Variants in PPIP5K2 observed in about 807,000 individuals in gnomAD.
PPIP5K2 encodes the protein diphosphoinositol pentakisphosphate kinase 2, also known as inositol hexakisphosphate and diphosphoinositol-pentakisphosphate kinase 2.
PPIP5K2 carries 105 observed loss-of-function variants against 154.6 expected under a neutral mutation model. The observed-to-expected ratio is 0.68, with a 90% CI of 0.58 to 0.80. The LOEUF (loss-of-function observed/expected upper bound fraction) is 0.80. Ranked by LOEUF, PPIP5K2 falls within the 30% of genes least tolerant of loss-of-function variation. The pLI, the probability that PPIP5K2 is intolerant of heterozygous loss-of-function variation, is 0.00. For missense variants in PPIP5K2, 992 were observed against 1,504.6 expected, an observed-to-expected ratio of 0.66 and a Z score of 5.64; for synonymous variants, 480 against 490.3, an observed-to-expected ratio of 0.98 and a Z score of 0.28.
rs749941902 is a variant in PPIP5K2 at position 103,120,350 on chromosome 5, A to G, written c.-423A>G. 40 of 453,674 alleles carry G rather than the reference A, an allele frequency of 8.8e-5. No homozygotes were observed. The highest frequency in any genetic ancestry group is 9.8e-5 in the Non-Finnish European group (22 of 224,952). 28.1% of individuals were successfully genotyped at this position (453,674 alleles called of 1,614,324 possible). A position where few individuals can be genotyped will look rare whatever the true frequency, so the allele number is the denominator to read the frequency against. On this transcript the variant is annotated 5_prime_UTR_variant, in exon 1 of 31. Transcript: ENST00000358359. ...TGGCCCTATAGCTGTTACTGAAGGA[A>G]GTAGCCTACGTCCACGCCTACAACT...
In PPIP5K2 at chr5:103,154,650, T is replaced by A. The variant is rs782134276; in HGVS notation, c.1218-20T>A. The A allele has an allele frequency of 7.3e-7, 1 of 1,369,842 alleles. No individual in the cohort carries two copies. The highest frequency in any genetic ancestry group is 1.0e-6 in the Non-Finnish European group (1 of 984,092). The allele number at this position is 1,369,842 out of a possible 1,614,324, so 84.9% of individuals were successfully genotyped here. A position where few individuals can be genotyped will look rare whatever the true frequency, so the allele number is the denominator to read the frequency against. Reference sequence around the variant, plus strand: ...GTTAATTATTGCAAGTGACTAACAGTGTTCTGTCTTTTTTATAAGATTTTT... The same window carrying A: ...GTTAATTATTGCAAGTGACTAACAGAGTTCTGTCTTTTTTATAAGATTTTT... On this transcript the variant is annotated intron_variant, in intron 11 of 30. Coordinates refer to ENST00000358359, the MANE Select transcript of PPIP5K2 (RefSeq NM_001276277.3).
intron 17 of PPIP5K2, among the ~76,000 whole-genome samples, chr5:103,166,833 A>G (rs1458008707): frequency 2.0e-5 from 3 of 152,002 alleles, no homozygotes; most frequent in African/African-American, 7.2e-5. Context: ...GGGGAAATAG[A>G]TCATCTTAGA....
chr5:103,164,548 C>T (rs1283025360), intron 17 of PPIP5K2, among the ~76,000 whole-genome samples: 1 of 151,974 alleles, frequency 6.6e-6, no homozygotes, highest in Non-Finnish European at 1.5e-5. Flanking sequence ...TTATTATATT[C>T]ATAAATATAA....
Position 103,168,197 on chromosome 5 carries a change from A to G in PPIP5K2, c.2188A>G (p.Ile730Val), listed in dbSNP as rs781982642. 11 of 1,608,852 alleles carry G rather than the reference A, an allele frequency of 6.8e-6. No individual in the cohort carries two copies. The highest frequency in any genetic ancestry group is 9.4e-6 in the Non-Finnish European group (11 of 1,175,938). Residue 730 changes from isoleucine (I) to valine (V), a missense_variant, in exon 19 of 31, where the codon ATA becomes GTA. Ile to Val is a conservative substitution (Grantham distance 29). Coordinates refer to ENST00000358359, the MANE Select transcript of PPIP5K2 (RefSeq NM_001276277.3). ...ISKIPDIYDC[I>V]KYDVQHNGSL... Reference sequence around the variant, plus strand: ...TAAAATCCCTGACATATATGACTGTATAAAATATGATGTCCAGCATAATGG... The same window carrying G: ...TAAAATCCCTGACATATATGACTGTGTAAAATATGATGTCCAGCATAATGG...
intron 19 of PPIP5K2, 114 bp downstream of exon 19, chr5:103,168,409 A>G (rs1554218644): frequency 7.9e-6 from 6 of 755,422 alleles, no homozygotes; most frequent in Non-Finnish European, 1.3e-5. Context: ...CAGTAACTTT[A>G]AACAGGAAAT....
chr5:103,161,441 G>A (rs1478886988), intron 17 of PPIP5K2, among the ~76,000 whole-genome samples: 2 of 152,106 alleles, frequency 1.3e-5, no homozygotes, highest in Non-Finnish European at 2.9e-5. Flanking sequence ...TGTCTTTACA[G>A]CAGCATGATT....
rs1253672190 is a variant in PPIP5K2 at position 103,138,424 on chromosome 5, C to A, written c.442C>A (p.Leu148Ile). Residue 148 changes from leucine (L) to isoleucine (I), a missense_variant, in exon 5 of 31, where the codon CTT (leucine) becomes ATT (isoleucine). This residue lies in a region of PPIP5K2 where 153 missense variants were observed against 200.4 expected (regional missense o/e 0.76). Transcript: ENST00000358359. ...TATTCTTCAAGCTGAAGGTATTTTA[C>A]TTCCTCGTTATGCTATTTTGAACCG... The part of the protein sequence containing the change: ...YSILQAEGIL[L>I]PRYAILNRDP... 2 of 1,605,852 alleles carry A rather than the reference C, an allele frequency of 1.2e-6. No individual in the cohort carries two copies. The highest frequency in any genetic ancestry group is 8.5e-7 in the Non-Finnish European group (1 of 1,173,912).
rs782520557 is a variant in PPIP5K2 at position 103,120,420 on chromosome 5, G to T, written c.-353G>T. ...CTCACCCCTGCCTCCGGGATGAAAGGGGGTAACCTAGACCTGAATGGGCTT... is the reference window on the plus strand; with the variant it reads ...CTCACCCCTGCCTCCGGGATGAAAGTGGGTAACCTAGACCTGAATGGGCTT... On this transcript the variant is annotated 5_prime_UTR_variant, in exon 1 of 31. Coordinates refer to ENST00000358359, the MANE Select transcript of PPIP5K2 (RefSeq NM_001276277.3). 2.6e-5 allele frequency: 12 copies of T among 456,604 alleles called. No individual in the cohort carries two copies. The highest frequency in any genetic ancestry group is 1.4e-4 in the Admixed American group (6 of 42,554). The allele number at this position is 456,604 out of a possible 1,614,324, so 28.3% of individuals were successfully genotyped here.
At chr5:103,159,050 A>G (rs563092325) in intron 16 of PPIP5K2, 96 bp from the exon 17 acceptor site, 39 of 870,784 alleles carry the variant, frequency 4.5e-5, no homozygotes, top group Non-Finnish European at 6.2e-5. Context: ...ATTTATGATA[A>G]ACTTAACTTA....
chr5:103,152,230 C>T (rs1356444613), intron 9 of PPIP5K2, among the ~76,000 whole-genome samples: 3 of 151,748 alleles, frequency 2.0e-5, no homozygotes, highest in Non-Finnish European at 3.0e-5. Flanking sequence ...ATTTTTAACC[C>T]TATTAGTATA....
chr5:103,145,228 T>C (rs1471549463), intron 5 of PPIP5K2, among the ~76,000 whole-genome samples: 2 of 152,088 alleles, frequency 1.3e-5, no homozygotes, highest in Non-Finnish European at 2.9e-5. Context: ...CAAGTTAAAA[T>C]GGCTTTTATC....
chr5:103,211,768 T>A lies in PPIP5K2; in HGVS notation c.*10134T>A, dbSNP rs1429465673. 1 of 151,874 alleles carries A rather than the reference T, an allele frequency of 6.6e-6. No individual in the cohort carries two copies. Among genetic ancestry groups the A allele is most frequent in the Non-Finnish European group, 1.5e-5 (1 of 67,976 alleles). 9.4% of individuals were successfully genotyped at this position (151,874 alleles called of 1,614,324 possible). A position where few individuals can be genotyped will look rare whatever the true frequency, so the allele number is the denominator to read the frequency against. ...GATGATACAAATATGAAAAGTCCTG[T>A]TTCCAGGGAATTTACTTTCTAATGA... On this transcript the variant is annotated 3_prime_UTR_variant, in exon 31 of 31. Coordinates refer to ENST00000358359, the MANE Select transcript of PPIP5K2 (RefSeq NM_001276277.3).
intron 30 of PPIP5K2, among the ~76,000 whole-genome samples, chr5:103,196,947 A>T (rs138867150): frequency 6.6e-6 from 1 of 152,136 alleles, no homozygotes; most frequent in Non-Finnish European, 1.5e-5. Flanking sequence ...TCAGAGAAAC[A>T]GAAAGAATAT....
chr5:103,169,673 T>C (rs1162937279), intron 19 of PPIP5K2, among the ~76,000 whole-genome samples: 1 of 151,778 alleles, frequency 6.6e-6, no homozygotes, highest in Admixed American at 6.6e-5. Flanking sequence ...AGTATGAAAA[T>C]ATCTCAGACT....
chr5:103,176,888 A>G, intron 21 of PPIP5K2: 1 of 1,447,960 alleles, frequency 6.9e-7, no homozygotes, highest in South Asian at 1.2e-5. Flanking sequence ...CAGAATGAAG[A>G]TGGAGGAATG....
rs997681701 is a variant in PPIP5K2 at position 103,212,123 on chromosome 5, A to T, written c.*10489A>T. ...AGGTTGTAGATTATATGCATGACAG[A>T]TTGCTGGAATTGGGCTCCATTCACA... On this transcript the variant is annotated 3_prime_UTR_variant, in exon 31 of 31. Transcript: ENST00000358359. 6 of 152,146 alleles carry T rather than the reference A, an allele frequency of 3.9e-5. No individual in the cohort carries two copies. The highest frequency in any genetic ancestry group is 1.4e-4 in the African/African-American group (6 of 41,516). The allele number at this position is 152,146 out of a possible 1,614,324, so 9.4% of individuals were successfully genotyped here.
chr5:103,192,942 A>C (rs1801466930), intron 29 of PPIP5K2, among the ~76,000 whole-genome samples: 1 of 152,158 alleles, frequency 6.6e-6, no homozygotes, highest in South Asian at 2.1e-4. Flanking sequence ...AATCTAGTTC[A>C]TTGGTCTTCA....
rs1794013767 is a variant in PPIP5K2, at chr5:103,147,992, T to A, written c.704T>A (p.Ile235Lys). 2 of 1,602,672 alleles carry A rather than the reference T, an allele frequency of 1.2e-6. No individual in the cohort carries two copies. Among genetic ancestry groups the A allele is most frequent in the Non-Finnish European group, 1.7e-6 (2 of 1,172,998 alleles). ...ESNVRKTGSY[I>K]YEEFMPTDGT... ...AATGTACGAAAAACAGGCTCATATA[T>A]ATATGAAGAGTTTATGCCCACAGAT... The change falls in exon 7 of 31, where the codon ATA becomes AAA. Residue 235 changes from isoleucine to lysine, a missense_variant. Physicochemically the swap from Ile to Lys is moderately radical, Grantham distance 102. Around this residue, in one of 9 missense-constraint regions of PPIP5K2, gnomAD observed 51 missense variants for 152.2 expected, o/e 0.33. Coordinates refer to ENST00000358359, the MANE Select transcript of PPIP5K2 (RefSeq NM_001276277.3).
At chr5:103,172,600 A>G (rs924136238) in intron 19 of PPIP5K2, among the ~76,000 whole-genome samples, 8 of 151,490 alleles carry the variant, frequency 5.3e-5, no homozygotes, top group African/African-American at 1.7e-4. Context: ...GACACTTCAC[A>G]TTGTGCTAAT....
Sources: gnomAD v4.1 joint callset for allele counts (sites outside exome capture counted in the v4.1 genomes callset) on GRCh38, gnomAD v4.1.1 for gene constraint, gnomAD v4.1.1 regional missense constraint, MANE v1.5 for transcripts, NCBI Gene and HGNC (gene_info 2026-07-23, HGNC 2026-07-21) for gene names.